Variants in HPSE2 observed in about 807,000 individuals in gnomAD.
HPSE2 encodes inactive heparanase-2.
In HPSE2, 38 loss-of-function variants were observed where a neutral mutation model predicts 60.5. The observed-to-expected ratio is 0.63, with a 90% confidence interval of 0.48 to 0.82. HPSE2 has a LOEUF of 0.82. Among genes scored for constraint, HPSE2 ranks in the 40% least tolerant of loss-of-function variants. HPSE2 has a pLI of 0.00. For synonymous variants in HPSE2, 295 were observed against 293.2 expected, an observed-to-expected ratio of 1.01 and a Z score of -0.06; for missense variants, 713 against 740.4, an observed-to-expected ratio of 0.96 and a Z score of 0.43.
intron 9 of HPSE2, among the ~76,000 whole-genome samples, chr10:98,567,757 G>C (rs1352643901): frequency 2.0e-5 from 3 of 151,098 alleles, no homozygotes; most frequent in African/African-American, 7.3e-5. Context: ...TGGTGTGTGT[G>C]TGTGTGTGTG....
At chr10:99,304,171 C>T in the HPSE2 span, among the ~76,000 whole-genome samples, 1 of 152,194 alleles carries the variant, frequency 6.6e-6, no homozygotes, top group African/African-American at 2.4e-5. Context: ...AGATTGAGGA[C>T]TAACTAAAAC....
chr10:99,217,816 C>T (rs1319388379), intron 2 of HPSE2, among the ~76,000 whole-genome samples: 1 of 152,074 alleles, frequency 6.6e-6, no homozygotes, highest in African/African-American at 2.4e-5. Flanking sequence ...AAACACCTGG[C>T]CTCAAACAAT....
rs1954704445 is a variant in HPSE2 at position 98,933,658 on chromosome 10, T to C, written c.611-189602A>G. 1.4e-5 allele frequency among the ~76,000 whole-genome samples: 2 copies of C among 143,946 alleles called. 1 individual carries two copies. Among genetic ancestry groups the C allele is most frequent in the African/African-American group, 5.7e-5 (2 of 35,362 alleles). The allele number at this position is 143,946 out of a possible 152,430, so 94.4% of individuals were successfully genotyped here. A position where few individuals can be genotyped will look rare whatever the true frequency, so the allele number is the denominator to read the frequency against. On this transcript the variant is annotated intron_variant, in intron 3 of 11. Transcript: ENST00000370552. ...GCTCCTGTATTGGGTGCATATATAT[T>C]TAGGGTAGTTAGCTCTTCGTGTTGA...
chr10:98,685,968 T>C (rs1199991114), intron 6 of HPSE2, among the ~76,000 whole-genome samples: 1 of 152,216 alleles, frequency 6.6e-6, no homozygotes, highest in Non-Finnish European at 1.5e-5. Flanking sequence ...CCTTGAGTAT[T>C]TTTAATGTCT....
At chr10:98,905,316 C>G (rs1590050946) in intron 3 of HPSE2, among the ~76,000 whole-genome samples, 1 of 148,168 alleles carries the variant, frequency 6.7e-6, no homozygotes, top group Non-Finnish European at 1.5e-5. Context: ...CCCCCTCCCC[C>G]GACCCCACCA....
chr10:99,301,438 G>A, the HPSE2 span, among the ~76,000 whole-genome samples: 74,582 of 152,074 alleles, frequency 0.49, 21,588 homozygotes, highest in Non-Finnish European at 0.64. Flanking sequence ...AATATTGGGG[G>A]TATGTGCTTA....
intron 3 of HPSE2, among the ~76,000 whole-genome samples, chr10:98,885,686 T>A (rs527678175): frequency 1.2e-4 from 18 of 151,256 alleles, no homozygotes; most frequent in Admixed American, 7.9e-4. Context: ...GCCACTAAAG[T>A]TTTTTTTTAA....
At chr10:98,671,451 CCCA>C (rs1388953833) in intron 6 of HPSE2, among the ~76,000 whole-genome samples, 1 of 152,108 alleles carries the variant, frequency 6.6e-6, no homozygotes, top group African/African-American at 2.4e-5. Flanking sequence ...TTATAGCTTC[CCCA>C]CCACACTATA....
At chr10:98,656,778 T>TG (rs763080464) in intron 6 of HPSE2, among the ~76,000 whole-genome samples, 146 of 149,638 alleles carry the variant, frequency 9.8e-4, no homozygotes, top group East Asian at 1.6e-3. Context: ...TTTTTTTTTT[T>TG]GGGATGGAGT....
the HPSE2 span, among the ~76,000 whole-genome samples, chr10:99,315,765 T>G: frequency 6.6e-6 from 1 of 152,210 alleles, no homozygotes; most frequent in African/African-American, 2.4e-5. Context: ...GCTGCAGAAC[T>G]GCAAGTCCCA....
At position 98,754,396 on chromosome 10, in the gene HPSE2, G is replaced by A. The variant is rs563885079; in HGVS notation, c.611-10340C>T. ...AAATCTATGACTCGCTGGCATTCTT[G>A]AAAGGAGAGAGAGAGCACAAGCAAC... On this transcript the variant is annotated intron_variant, in intron 3 of 11. Transcript: ENST00000370552. Among the ~76,000 whole-genome samples, 6 of 152,162 alleles carry A rather than the reference G, an allele frequency of 3.9e-5. No individual in the cohort carries two copies. In the East Asian group the frequency reaches 9.8e-4, roughly 25 times the overall value.
chr10:99,151,631 G>A (rs1300258334), intron 2 of HPSE2, among the ~76,000 whole-genome samples: 1 of 152,014 alleles, frequency 6.6e-6, no homozygotes, highest in African/African-American at 2.4e-5. Context: ...AATCCATAAA[G>A]GGAACAAGTA....
chr10:99,027,271 A>T (rs1029825050), intron 3 of HPSE2, among the ~76,000 whole-genome samples: 5 of 132,364 alleles, frequency 3.8e-5, no homozygotes, highest in South Asian at 2.4e-4. Context: ...AATCAGAAAT[A>T]AAAAAAAAAA....
At chr10:99,114,842 A>G (rs1422397253) in intron 3 of HPSE2, among the ~76,000 whole-genome samples, 1 of 144,304 alleles carries the variant, frequency 6.9e-6, no homozygotes, top group Non-Finnish European at 1.5e-5. Flanking sequence ...TGAACCCGGG[A>G]GGCAGAGCTT....
intron 1 of HPSE2, 74 bp downstream of exon 1, chr10:99,235,439 G>C: frequency 7.5e-7 from 1 of 1,332,754 alleles, no homozygotes; most frequent in African/African-American, 1.4e-5. Flanking sequence ...TTCCCCTTTG[G>C]AATGGGGGAT....
chr10:99,158,531 C>A (rs1187441371), intron 2 of HPSE2, among the ~76,000 whole-genome samples: 6 of 138,802 alleles, frequency 4.3e-5, no homozygotes, highest in African/African-American at 1.6e-4. Flanking sequence ...CATATTCTCA[C>A]TAATAGGTGG....
intron 3 of HPSE2, among the ~76,000 whole-genome samples, chr10:98,937,559 T>A (rs1954841786): frequency 6.9e-6 from 1 of 144,066 alleles, no homozygotes; most frequent in Non-Finnish European, 1.5e-5. Flanking sequence ...TGCCCAGGCT[T>A]TCTTAGGTAA....
At chr10:99,007,669 G>C (rs1347907787) in intron 3 of HPSE2, among the ~76,000 whole-genome samples, 1 of 152,168 alleles carries the variant, frequency 6.6e-6, no homozygotes, top group East Asian at 1.9e-4. Context: ...ATTTTGCCTG[G>C]AGGCCATAGT....
At position 98,967,617 on chromosome 10, in the gene HPSE2, G is replaced by A. The variant is rs79864923; in HGVS notation, c.610+176621C>T. 3.7e-4 allele frequency among the ~76,000 whole-genome samples: 56 copies of A among 152,220 alleles called. 1 individual carries two copies. The East Asian group carries it at 0.011, about 29-fold the overall frequency. Reference sequence around the variant, plus strand: ...TACATACAAATAACTCAAACCAGCTGACCTTTAAAAATGTCAGAATTCACA... The same window carrying A: ...TACATACAAATAACTCAAACCAGCTAACCTTTAAAAATGTCAGAATTCACA... On this transcript the variant is annotated intron_variant, in intron 3 of 11. Coordinates refer to ENST00000370552, the MANE Select transcript of HPSE2 (RefSeq NM_021828.5).
Sources: allele counts gnomAD v4.1 joint callset (sites outside exome capture counted in the v4.1 genomes callset), GRCh38; gene constraint gnomAD v4.1.1; transcripts MANE v1.5; gene names NCBI Gene and HGNC (gene_info 2026-07-23, HGNC 2026-07-21).